The following EMC1 variants were observed in gnomAD, a reference collection of about 807,000 sequenced individuals.
The protein encoded by EMC1 is ER membrane protein complex subunit 1, also known as KIAA0090.
In EMC1, 103 loss-of-function variants were observed where a neutral mutation model predicts 128.8. That is an observed-to-expected ratio of 0.80 (90% CI 0.68 to 0.94). EMC1 has a LOEUF of 0.94. EMC1 is among the 40% of genes least tolerant of loss of function. EMC1 has a pLI of 0.00. For missense variants in EMC1, 1,083 were observed against 1,250.6 expected (o/e 0.87, Z 2.02); for synonymous variants, 442 against 490.4 (o/e 0.90, Z 1.30).
intron 4 of EMC1, 26 bp from the exon 5 acceptor site, chr1:19,242,499 A>G (rs2093612469): frequency 6.2e-7 from 1 of 1,613,684 alleles, no homozygotes; most frequent in East Asian, 2.2e-5. Context: ...GGTTGAGAGC[A>G]GCCCACACCT....
Position 19,227,329 on chromosome 1 carries a change from C to CG in EMC1, c.2185dup (p.Arg729ProfsTer25). 6.2e-7 allele frequency: 1 copy of CG among 1,614,128 alleles called. No homozygotes were observed. The highest frequency in any genetic ancestry group is 8.5e-7 in the Non-Finnish European group (1 of 1,179,970). The stretch of plus-strand genomic sequence containing the variant: ...TGTATGTACCTTGTAGAGCACACTG[C>CG]GGTCCCCCATCACACGGCCCTGGGA... On this transcript the variant is annotated frameshift_variant, in exon 18 of 23. Coordinates refer to ENST00000477853, the MANE Select transcript of EMC1 (RefSeq NM_015047.3). LOFTEE classifies it high-confidence loss of function.
intron 1 of EMC1, among the ~76,000 whole-genome samples, chr1:19,248,881 T>C (rs2093644046): frequency 6.6e-6 from 1 of 152,134 alleles, no homozygotes; most frequent in Non-Finnish European, 1.5e-5. Flanking sequence ...AAAAAGCTTA[T>C]AGAATAAAGA....
At chr1:19,239,332 A>C (rs748351070) in intron 8 of EMC1, 30 bp from the exon 9 acceptor site, 325 of 1,603,662 alleles carry the variant, frequency 2.0e-4, no homozygotes, top group Non-Finnish European at 2.6e-4. Context: ...TCAGCTCCTA[A>C]ATGGGACCAG....
chr1:19,243,845 GAGTCCCC>G (rs774186880), intron 3 of EMC1, 98 bp downstream of exon 3: 8 of 1,443,988 alleles, frequency 5.5e-6, no homozygotes, highest in Non-Finnish European at 7.8e-6. Context: ...TCACTGTCAG[GAGTCCCC>G]AGTCTCCTTT....
intron 18 of EMC1, among the ~76,000 whole-genome samples, chr1:19,226,703 G>A (rs1204554267): frequency 1.3e-5 from 2 of 151,188 alleles, no homozygotes; most frequent in Non-Finnish European, 2.9e-5. Context: ...CCACAGGCAT[G>A]CACCACCATG....
intron 18 of EMC1, among the ~76,000 whole-genome samples, chr1:19,224,525 C>A (rs565503388): frequency 2.6e-5 from 4 of 152,306 alleles, no homozygotes; most frequent in Admixed American, 6.5e-5. Context: ...CACACATATA[C>A]CTGCTCTTGG....
intron 20 of EMC1, 115 bp downstream of exon 20, chr1:19,222,509 C>A: frequency 1.1e-6 from 1 of 904,240 alleles, no homozygotes; most frequent in Non-Finnish European, 1.8e-6. Flanking sequence ...CTCCTCACCA[C>A]CTTTCCCTTA....
chr1:19,243,546 G>A, intron 4 of EMC1, 68 bp downstream of exon 4: 5 of 1,408,468 alleles, frequency 3.5e-6, no homozygotes, highest in Non-Finnish European at 5.0e-6. Context: ...CAGAGTTGCT[G>A]TCTATGCAGA....
chr1:19,237,048 T>C (rs1019950056), intron 12 of EMC1, 94 bp downstream of exon 12: 1 of 864,852 alleles, frequency 1.2e-6, no homozygotes, highest in Middle Eastern at 2.3e-4. Flanking sequence ...TTGAATCTCT[T>C]CCAGAAACCT....
chr1:19,219,436 G>A lies in EMC1; in HGVS notation c.2849C>T (p.Ser950Phe). The stretch of plus-strand genomic sequence containing the variant: ...ATCCTTCAGAACGTCAAACTGCTTG[G>A]ATGGGTAGACTCGAGTTTGGTAAAT... ...LDIYQTRVYPSKQFDVLKDDY... is the reference protein window; with the variant it reads ...LDIYQTRVYPFKQFDVLKDDY... The change falls in exon 23 of 23, where the codon TCC becomes TTC. Residue 950 changes from serine (S) to phenylalanine (F), a missense_variant. This residue lies in a region of EMC1 where 527 missense variants were observed against 644.1 expected (regional missense o/e 0.82). Coordinates refer to ENST00000477853, the MANE Select transcript of EMC1 (RefSeq NM_015047.3). The A allele has an allele frequency of 6.2e-7, 1 of 1,613,972 alleles. No individual in the cohort carries two copies. The highest frequency in any genetic ancestry group is 8.5e-7 in the Non-Finnish European group (1 of 1,180,002).
rs1386384373 is a variant in EMC1, at chr1:19,239,243, AC to A, written c.1013del (p.Cys338PhefsTer54). 2.5e-6 allele frequency: 4 copies of A among 1,614,026 alleles called. No homozygotes were observed. Among genetic ancestry groups the A allele is most frequent in the Admixed American group, 1.7e-5 (1 of 60,014 alleles). ...GEKTVAAVMA[C>X]RNEVQKSSSS... is the part of the protein sequence containing the mutation. ...TCTCAATACTCACCACTTCATTCCG[AC>A]AGGCCATGACTGCAGCCACCGTCTT... On this transcript the variant is annotated frameshift_variant, in exon 9 of 23. Transcript: ENST00000477853. LOFTEE classifies it high-confidence loss of function.
chr1:19,238,073 G>A lies in EMC1; in HGVS notation c.1156C>T (p.Leu386=), dbSNP rs769791494. 1 of 1,614,154 alleles carries A rather than the reference G, an allele frequency of 6.2e-7. No individual in the cohort carries two copies. Among genetic ancestry groups the A allele is most frequent in the East Asian group, 2.2e-5 (1 of 44,870 alleles). ...NLYLVETGRR[L]LDTTITFSLE... ...CTAAATGTTATCGTGGTGTCCAGCA[G>A]CCGCCGACCTGTCTCCACGAGGTAT... Residue 386 remains leucine, a synonymous_variant, in exon 11 of 23, where the codon CTG becomes TTG. Transcript: ENST00000477853.
At chr1:19,246,790 A>T (rs2093633928) in intron 1 of EMC1, among the ~76,000 whole-genome samples, 1 of 152,168 alleles carries the variant, frequency 6.6e-6, no homozygotes, top group Non-Finnish European at 1.5e-5. Context: ...AAAACAATAA[A>T]AAATAAATAA....
chr1:19,244,042 C>G (rs1294598473), intron 2 of EMC1, 27 bp from the exon 3 acceptor site: 13 of 1,612,738 alleles, frequency 8.1e-6, no homozygotes, highest in Non-Finnish European at 1.1e-5. Flanking sequence ...TTAGACATTA[C>G]TATGAACAAA....
chr1:19,220,884 G>C lies in EMC1; in HGVS notation c.2588-36C>G, dbSNP rs549976625. Reference sequence around the variant, plus strand: ...GGAAGTGAATGTTCACACCGATCCAGTGTCCAGCAAGGGCCAGTTACAAAA... The same window carrying C: ...GGAAGTGAATGTTCACACCGATCCACTGTCCAGCAAGGGCCAGTTACAAAA... On this transcript the variant is annotated intron_variant, in intron 20 of 22. Coordinates refer to ENST00000477853, the MANE Select transcript of EMC1 (RefSeq NM_015047.3). The C allele has an allele frequency of 1.5e-5, 22 of 1,498,976 alleles. No homozygotes were observed. In the East Asian group the frequency reaches 5.0e-4, roughly 34 times the overall value. The allele number at this position is 1,498,976 out of a possible 1,614,324, so 92.9% of individuals were successfully genotyped here. A position where few individuals can be genotyped will look rare whatever the true frequency, so the allele number is the denominator to read the frequency against.
At position 19,231,327 on chromosome 1, in the gene EMC1, G is replaced by C; in HGVS notation, c.1878C>G (p.Ser626=). Residue 626 remains serine, a synonymous_variant, in exon 16 of 23, where the codon TCC becomes TCG. Transcript: ENST00000477853. ...PPVLKRPILQ[S]LLLPVMDQDY... ...CTTGATCCATGACTGGGAGAAGCAA[G>C]GACTGCAAGATGGGGCGCTTCAGCA... 1 of 1,611,204 alleles carries C rather than the reference G, an allele frequency of 6.2e-7. No individual in the cohort carries two copies. The highest frequency in any genetic ancestry group is 8.5e-7 in the Non-Finnish European group (1 of 1,179,314).
Position 19,222,971 on chromosome 1 carries a change from T to C in EMC1, c.2377-137A>G, listed in dbSNP as rs1045919328. 7.5e-5 allele frequency: 49 copies of C among 654,752 alleles called. No individual in the cohort carries two copies. In the African/African-American group the frequency reaches 8.3e-4, roughly 11 times the overall value. 40.6% of individuals were successfully genotyped at this position (654,752 alleles called of 1,614,324 possible). A position where few individuals can be genotyped will look rare whatever the true frequency, so the allele number is the denominator to read the frequency against. ...TCAACTAGCACCTCACTTTTCTTCC[T>C]TACTATCAAGTTTACTAACTTTCAA... On this transcript the variant is annotated intron_variant, in intron 19 of 22. Coordinates refer to ENST00000477853, the MANE Select transcript of EMC1 (RefSeq NM_015047.3).
chr1:19,238,102 T>G lies in EMC1; in HGVS notation c.1127A>C (p.Asn376Thr), dbSNP rs1558106688. ...LACFNQTYTI[N>T]LYLVETGRRL... Reference sequence around the variant, plus strand: ...CCGACCTGTCTCCACGAGGTATAGGTTAATGGTGTAGGTCTGATTGAAGCA... The same window carrying G: ...CCGACCTGTCTCCACGAGGTATAGGGTAATGGTGTAGGTCTGATTGAAGCA... The change falls in exon 11 of 23, where the codon AAC becomes ACC. Residue 376 changes from asparagine (N) to threonine (T), a missense_variant. By Grantham distance (65) the Asn-to-Thr change is moderately conservative. This residue lies in a region of EMC1 where 544 missense variants were observed against 572.4 expected (regional missense o/e 0.95). Transcript: ENST00000477853. The G allele has an allele frequency of 6.2e-7, 1 of 1,614,038 alleles. No individual in the cohort carries two copies. The highest frequency in any genetic ancestry group is 8.5e-7 in the Non-Finnish European group (1 of 1,180,012).
chr1:19,243,982 C>T lies in EMC1; in HGVS notation c.254G>A (p.Gly85Glu), dbSNP rs769401932. 1.9e-6 allele frequency: 3 copies of T among 1,614,154 alleles called. No homozygotes were observed. Among genetic ancestry groups the T allele is most frequent in the East Asian group, 2.2e-5 (1 of 44,884 alleles). ...WRHVDKGTAE[G>E]AVDAMLLHGQ... is the part of the protein sequence containing the mutation. ...GTGCAGCAGCATGGCATCCACAGCC[C>T]CTTCTGCCGTGCCCTTGTCAACATG... The change falls in exon 3 of 23, where the codon GGG becomes GAG. Residue 85 changes from glycine (G) to glutamate (E), a missense_variant. Gly to Glu is a moderately conservative substitution (Grantham distance 98, BLOSUM62 -2). Around this residue, in one of 3 missense-constraint regions of EMC1, gnomAD observed 544 missense variants for 572.4 expected, o/e 0.95. Coordinates refer to ENST00000477853, the MANE Select transcript of EMC1 (RefSeq NM_015047.3).
Sources: allele counts gnomAD v4.1 joint callset (sites outside exome capture counted in the v4.1 genomes callset), GRCh38; gene constraint gnomAD v4.1.1; regional missense constraint gnomAD v4.1.1; transcripts MANE v1.5; gene names NCBI Gene and HGNC (gene_info 2026-07-23, HGNC 2026-07-21).